Variants in BRWD3 observed in about 807,000 individuals in gnomAD.
BRWD3 encodes bromodomain and WD repeat domain containing 3.
In BRWD3, 10 loss-of-function variants were observed where a neutral mutation model predicts 149.7. That is an observed-to-expected ratio of 0.07 (90% CI 0.04 to 0.11). BRWD3 has a LOEUF of 0.11. Among genes scored for constraint, BRWD3 ranks in the 10% least tolerant of loss-of-function variants. The probability of loss-of-function intolerance (pLI) is 1.00; values close to 1 mark genes in which losing one functional copy is unlikely to be tolerated. For synonymous variants in BRWD3, 504 were observed against 456.7 expected (o/e 1.10, Z -1.32); for missense variants, 940 against 1,373.2 (o/e 0.68, Z 4.99).
chrX:80,742,409 T>TGTATGAACTTTACA (rs768131702), intron 8 of BRWD3, among the ~76,000 whole-genome samples: 1 of 84,413 alleles, frequency 1.2e-5, no homozygotes, highest in Non-Finnish European at 2.2e-5. Context: ...TTTTTGGTTC[T>TGTATGAACTTTACA]GTAGTTTTTT....
intron 6 of BRWD3, among the ~76,000 whole-genome samples, chrX:80,754,294 TTA>T (rs1206422411): frequency 8.9e-6 from 1 of 111,811 alleles, no homozygotes; most frequent in Non-Finnish European, 1.9e-5. Flanking sequence ...CTTCTTGATT[TTA>T]TCTTAGCTTG....
At chrX:80,761,317 C>T (rs1225439812) in intron 6 of BRWD3, among the ~76,000 whole-genome samples, 1 of 111,892 alleles carries the variant, frequency 8.9e-6, no homozygotes, top group Admixed American at 9.5e-5. Context: ...AAATGCATAG[C>T]TTCTGCATAA....
At chrX:80,715,484 C>T (rs1349322003) in intron 20 of BRWD3, among the ~76,000 whole-genome samples, 1 of 111,996 alleles carries the variant, frequency 8.9e-6, no homozygotes, top group Admixed American at 9.5e-5. Context: ...GGGAACAAAA[C>T]TATACATTTG....
At chrX:80,680,969 C>CTTT (rs904634410) in intron 40 of BRWD3, among the ~76,000 whole-genome samples, 83 of 74,721 alleles carry the variant, frequency 1.1e-3, no homozygotes, top group African/African-American at 1.3e-3. Context: ...CATGTGGCTA[C>CTTT]TTTTTTTTTT....
At chrX:80,733,579 A>G (rs1198801517) in intron 11 of BRWD3, 83 bp from the exon 12 acceptor site, 1 of 768,930 alleles carries the variant, frequency 1.3e-6, no homozygotes, top group East Asian at 3.3e-5. Context: ...TTCATAGGCA[A>G]AAACATCATG....
chrX:80,809,347 A>C, intron 1 of BRWD3, 43 bp from the exon 2 acceptor site: 2 of 1,160,155 alleles, frequency 1.7e-6, no homozygotes, highest in East Asian at 6.2e-5. Context: ...GAGGTAGAGA[A>C]GAGAAATAGA....
chrX:80,746,841 C>A, intron 6 of BRWD3: 1 of 751,509 alleles, frequency 1.3e-6, no homozygotes, highest in Non-Finnish European at 1.6e-6. Context: ...GCAATGAAGT[C>A]TTTCTTTCAG....
At chrX:80,805,144 T>C (rs2074337157) in intron 4 of BRWD3, among the ~76,000 whole-genome samples, 1 of 111,366 alleles carries the variant, frequency 9.0e-6, no homozygotes, top group South Asian at 3.7e-4. Flanking sequence ...CTAAATCAGA[T>C]GACCGTTTCA....
At chrX:80,704,945 G>T (rs910735309) in intron 22 of BRWD3, 99 bp from the exon 23 acceptor site, 22 of 862,441 alleles carry the variant, frequency 2.6e-5, no homozygotes, top group South Asian at 2.3e-5. Flanking sequence ...CATTATAAAT[G>T]ACATGGCTGG....
At chrX:80,697,058 C>G (rs775144786) in intron 25 of BRWD3, among the ~76,000 whole-genome samples, 195 bp from the exon 26 acceptor site, 3 of 110,885 alleles carry the variant, frequency 2.7e-5, no homozygotes, top group Non-Finnish European at 5.7e-5. Context: ...GGCTCTAAAC[C>G]AAGGATGAGC....
chrX:80,681,555 A>C lies in BRWD3; in HGVS notation c.4496-56T>G, dbSNP rs189694150. The C allele has an allele frequency of 4.1e-6, 4 of 983,885 alleles. No homozygotes were observed. In the East Asian group the frequency reaches 9.4e-5, roughly 23 times the overall value. 81.1% of individuals were successfully genotyped at this position (983,885 alleles called of 1,213,427 possible). ...TAATTATCATGTTTTCAGGAAAGTT[A>C]AACAGGCTACTTTTTGAAACCATAT... is the stretch of plus-strand genomic sequence containing the variant. On this transcript the variant is annotated intron_variant, in intron 39 of 40. Transcript: ENST00000373275.
intron 8 of BRWD3, among the ~76,000 whole-genome samples, chrX:80,740,304 C>A (rs1020224651): frequency 4.5e-5 from 5 of 112,125 alleles, no homozygotes; most frequent in Non-Finnish European, 9.4e-5. Context: ...GTTTTGCTCT[C>A]AACAGAAAGA....
intron 35 of BRWD3, 25 bp from the exon 36 acceptor site, chrX:80,685,561 G>A: frequency 4.5e-6 from 5 of 1,115,049 alleles, no homozygotes; most frequent in Non-Finnish European, 6.2e-6. Flanking sequence ...AACATATACT[G>A]GTTTCCAGAC....
At chrX:80,714,063 T>G (rs2073037742) in intron 20 of BRWD3, among the ~76,000 whole-genome samples, 1 of 111,404 alleles carries the variant, frequency 9.0e-6, no homozygotes, top group African/African-American at 3.3e-5. Flanking sequence ...GGGGAAAACC[T>G]ACATTGTGCA....
intron 24 of BRWD3, among the ~76,000 whole-genome samples, chrX:80,700,442 A>ATATATATATATATATATAT (rs58761845): frequency 6.3e-5 from 6 of 94,696 alleles, no homozygotes; most frequent in Non-Finnish European, 8.4e-5. Context: ...TGATATATAT[A>ATATATATATATATATATAT]ACAATACAAT....
chrX:80,685,772 C>T (rs751382352), intron 35 of BRWD3, among the ~76,000 whole-genome samples: 4 of 111,745 alleles, frequency 3.6e-5, no homozygotes, highest in Non-Finnish European at 3.8e-5. Context: ...AACACAATCT[C>T]GTTCCTTACT....
At chrX:80,756,995 T>C (rs890814544) in intron 6 of BRWD3, among the ~76,000 whole-genome samples, 2 of 111,675 alleles carry the variant, frequency 1.8e-5, no homozygotes, top group African/African-American at 6.5e-5. Context: ...GTAAGTAGAA[T>C]GAAGTATTAA....
chrX:80,712,383 G>A (rs1268660432), intron 20 of BRWD3, among the ~76,000 whole-genome samples: 3 of 109,756 alleles, frequency 2.7e-5, no homozygotes, highest in Non-Finnish European at 5.7e-5. Context: ...GCTCCTAATC[G>A]CGAGTGATCC....
chrX:80,793,296 CA>C (rs1412849372), intron 5 of BRWD3, among the ~76,000 whole-genome samples: 1 of 107,644 alleles, frequency 9.3e-6, no homozygotes, highest in Non-Finnish European at 1.9e-5. Context: ...ATGACATTAT[CA>C]AAACTAATAA....
Sources: gnomAD v4.1 joint callset for allele counts (sites outside exome capture counted in the v4.1 genomes callset) on GRCh38, gnomAD v4.1.1 for gene constraint, MANE v1.5 for transcripts, NCBI Gene and HGNC (gene_info 2026-07-23, HGNC 2026-07-21) for gene names.